The following BCAR3 variants were observed in gnomAD, a reference collection of about 807,000 sequenced individuals.
BCAR3 encodes breast cancer anti-estrogen resistance protein 3.
Under a neutral mutation model 80.1 loss-of-function variants are expected in BCAR3, and 37 were observed. The observed-to-expected ratio is 0.46, with a 90% confidence interval of 0.36 to 0.61. The LOEUF is 0.61. Among genes scored for constraint, BCAR3 ranks in the 20% least tolerant of loss-of-function variants. The pLI is 0.00. For synonymous variants in BCAR3, 389 were observed against 418.9 expected (o/e 0.93, Z 0.87); for missense variants, 978 against 1,068.2 (o/e 0.92, Z 1.18).
chr1:93,599,576 G>GATCA (rs10658715), intron 3 of BCAR3: 57,106 of 151,896 alleles, frequency 0.38, 15,216 homozygotes, highest in African/African-American at 0.77. Context: ...CTTTTAGAGA[G>GATCA]ATCTGGCTGC....
At chr1:93,807,364 C>G (rs532653593) in intron 2 of BCAR3, among the ~76,000 whole-genome samples, 1 of 152,100 alleles carries the variant, frequency 6.6e-6, no homozygotes, top group Non-Finnish European at 1.5e-5. Flanking sequence ...ACCCAATAAC[C>G]CAATGAGAGT....
intron 2 of BCAR3, among the ~76,000 whole-genome samples, chr1:93,772,239 T>A (rs570189147): frequency 6.0e-4 from 92 of 152,232 alleles, no homozygotes; most frequent in Middle Eastern, 3.4e-3. Flanking sequence ...ACAATCAAAT[T>A]TGGATTTTAA....
At chr1:93,748,659 A>C (rs1231143702) in intron 2 of BCAR3, among the ~76,000 whole-genome samples, 1 of 152,208 alleles carries the variant, frequency 6.6e-6, no homozygotes, top group African/African-American at 2.4e-5. Context: ...CTGTCTGCAC[A>C]ATTAAAAGCA....
chr1:93,578,007 C>T (rs1368606552), intron 7 of BCAR3, among the ~76,000 whole-genome samples: 1 of 152,254 alleles, frequency 6.6e-6, no homozygotes. Flanking sequence ...CAAGGTTATG[C>T]AGCTCACTGA....
chr1:93,846,164 T>G (rs1655169419), intron 1 of BCAR3, among the ~76,000 whole-genome samples: 1 of 152,136 alleles, frequency 6.6e-6, no homozygotes, highest in African/African-American at 2.4e-5. Flanking sequence ...GACTGTAAAA[T>G]CCCTACCACA....
intron 8 of BCAR3, among the ~76,000 whole-genome samples, chr1:93,573,644 T>TTTTTTTA: frequency 6.7e-6 from 1 of 149,712 alleles, no homozygotes; most frequent in Non-Finnish European, 1.5e-5. Flanking sequence ...TTTTTTTTTT[T>TTTTTTTA]TTGAGACAGG....
At chr1:93,648,002 G>C (rs1676199186) in intron 2 of BCAR3, among the ~76,000 whole-genome samples, 1 of 152,124 alleles carries the variant, frequency 6.6e-6, no homozygotes. Context: ...TTGAACTCCT[G>C]ACCTCAACTG....
intron 8 of BCAR3, among the ~76,000 whole-genome samples, chr1:93,572,623 G>T (rs1161457312): frequency 2.0e-5 from 3 of 152,224 alleles, no homozygotes; most frequent in African/African-American, 7.2e-5. Flanking sequence ...AGAAAGCATA[G>T]ACTGTGACCC....
intron 2 of BCAR3, among the ~76,000 whole-genome samples, chr1:93,780,400 G>A (rs1652724757): frequency 6.6e-6 from 1 of 152,064 alleles, no homozygotes. Context: ...GTCTACACTG[G>A]GCTGATGATT....
At chr1:93,784,046 C>G (rs1475988573) in intron 2 of BCAR3, among the ~76,000 whole-genome samples, 1 of 152,132 alleles carries the variant, frequency 6.6e-6, no homozygotes, top group African/African-American at 2.4e-5. Context: ...CAAACCAAGG[C>G]CCCAGGGCCT....
upstream of BCAR3, among the ~76,000 whole-genome samples, chr1:93,682,037 A>G (rs898756776): frequency 6.6e-6 from 1 of 152,020 alleles, no homozygotes; most frequent in Non-Finnish European, 1.5e-5. Context: ...GTATAGCTCG[A>G]TCACTTCCTT....
chr1:93,720,573 C>T lies in BCAR3; in HGVS notation c.-62-14431G>A, dbSNP rs140401693. On this transcript the variant is annotated intron_variant, in intron 2 of 13. Transcript: ENST00000370244. ...CAGACCACAGCGCCTGATGGAGACC[C>T]GAAGTTGGGTCGATGCTCCGGTGCT... Among the ~76,000 whole-genome samples the T allele has an allele frequency of 7.0e-3, 1,059 of 152,292 alleles. 9 individuals carry two copies. Among genetic ancestry groups the T allele is most frequent in the African/African-American group, 0.024 (1,004 of 41,556 alleles).
chr1:93,599,099 G>A (rs767801697), intron 3 of BCAR3: 15 of 152,156 alleles, frequency 9.9e-5, no homozygotes, highest in Non-Finnish European at 1.9e-4. Flanking sequence ...GTGGCCAGCT[G>A]GCCCAGGAAG....
chr1:93,646,357 C>G (rs557406498), intron 2 of BCAR3: 20 of 152,222 alleles, frequency 1.3e-4, no homozygotes, highest in African/African-American at 4.8e-4. Context: ...AATCCCAGCA[C>G]TTTGGGAGGC....
Position 93,589,216 on chromosome 1 carries a change from C to A in BCAR3, c.690G>T (p.Leu230=). The change falls in exon 5 of 12, where the codon CTG becomes CTT. Residue 230 remains leucine, a synonymous_variant. Coordinates refer to ENST00000260502, the MANE Select transcript of BCAR3 (RefSeq NM_003567.4). ...GGCGGTTGCCCACGTAGCAGCGCAC[C>A]AGGCCGGGGATGGAGTCGAAGCTCT... is the stretch of plus-strand genomic sequence containing the variant. ...EMESFDSIPG[L]VRCYVGNRRP... is the part of the protein sequence containing the mutation. 1 of 1,613,972 alleles carries A rather than the reference C, an allele frequency of 6.2e-7. No individual in the cohort carries two copies. Among genetic ancestry groups the A allele is most frequent in the African/African-American group, 1.3e-5 (1 of 75,070 alleles).
intron 3 of BCAR3, among the ~76,000 whole-genome samples, chr1:93,700,166 A>G (rs1649587114): frequency 6.6e-6 from 1 of 152,000 alleles, no homozygotes; most frequent in African/African-American, 2.4e-5. Context: ...CAAAGTTTAG[A>G]TCCCCCCTAA....
At chr1:93,800,525 G>A (rs998925980) in intron 2 of BCAR3, among the ~76,000 whole-genome samples, 1 of 152,094 alleles carries the variant, frequency 6.6e-6, no homozygotes, top group African/African-American at 2.4e-5. Context: ...GCAGTGAGCT[G>A]AGATTGTGCC....
Position 93,703,133 on chromosome 1 carries a change from G to C in BCAR3, c.-12+2959C>G, listed in dbSNP as rs139604722. On this transcript the variant is annotated intron_variant, in intron 3 of 13. Transcript: ENST00000370244. ...CTGTGATCAGGCCAGGCCCTCCTTA[G>C]GTTTCCAGAGGGACTGCTTATCATA... 3.3e-4 allele frequency among the ~76,000 whole-genome samples: 51 copies of C among 152,316 alleles called. 1 individual carries two copies. The East Asian group carries it at 9.4e-3, about 28-fold the overall frequency.
chr1:93,581,411 ATTTTT>A, intron 7 of BCAR3, among the ~76,000 whole-genome samples: 1 of 144,366 alleles, frequency 6.9e-6, no homozygotes, highest in East Asian at 2.0e-4. Context: ...GTATTTTAGA[ATTTTT>A]TTTTTTTTTT....
Sources: allele counts gnomAD v4.1 joint callset (sites outside exome capture counted in the v4.1 genomes callset), GRCh38; gene constraint gnomAD v4.1.1; transcripts MANE v1.5; gene names NCBI Gene and HGNC (gene_info 2026-07-23, HGNC 2026-07-21).